RIMS1: variants seen among roughly 807,000 people sequenced by gnomAD.
RIMS1 encodes the protein regulating synaptic membrane exocytosis 1, also known as regulating synaptic membrane exocytosis protein 1.
RIMS1 carries 83 observed loss-of-function variants against 214.1 expected under a neutral mutation model. The observed-to-expected ratio is 0.39, with a 90% confidence interval of 0.32 to 0.47. The LOEUF (loss-of-function observed/expected upper bound fraction) is 0.47, where lower values mean the gene tolerates loss of function less well. RIMS1 is among the 20% of genes least tolerant of loss of function. The pLI, the probability that RIMS1 is intolerant of heterozygous loss-of-function variation, is 0.99. For synonymous variants in RIMS1, 793 were observed against 786.8 expected, an observed-to-expected ratio of 1.01 and a Z score of -0.13; for missense variants, 2,050 against 2,161.8, an observed-to-expected ratio of 0.95 and a Z score of 1.03.
intron 1 of RIMS1, among the ~76,000 whole-genome samples, chr6:71,933,697 C>CACACAT (rs1783741930): frequency 6.6e-6 from 1 of 151,314 alleles, no homozygotes; most frequent in South Asian, 2.1e-4. Flanking sequence ...CACACACACA[C>CACACAT]ACACACACAC....
intron 4 of RIMS1, among the ~76,000 whole-genome samples, chr6:72,116,941 G>A (rs952693495): frequency 2.0e-5 from 3 of 151,886 alleles, no homozygotes; most frequent in African/African-American, 4.8e-5. Flanking sequence ...TCATAAATTC[G>A]TGTGTTTTTA....
At chr6:72,266,252 T>C in intron 22 of RIMS1, 7 of 586,100 alleles carry the variant, frequency 1.2e-5, no homozygotes, top group Non-Finnish European at 1.8e-5. Context: ...ATACACATAT[T>C]TCTATGAATG....
At chr6:72,089,692 T>C (rs571496573) in intron 2 of RIMS1, among the ~76,000 whole-genome samples, 6 of 151,370 alleles carry the variant, frequency 4.0e-5, no homozygotes, top group Non-Finnish European at 8.8e-5. Flanking sequence ...TGACTATAAA[T>C]CATGCTGCTA....
At chr6:72,316,985 T>G in intron 28 of RIMS1, 2 of 486,524 alleles carry the variant, frequency 4.1e-6, no homozygotes, top group Non-Finnish European at 8.1e-6. Flanking sequence ...GAGGGCCCAG[T>G]GGCTCCCTGC....
At chr6:72,222,870 T>A (rs1423995146) in intron 6 of RIMS1, among the ~76,000 whole-genome samples, 1 of 152,188 alleles carries the variant, frequency 6.6e-6, no homozygotes. Flanking sequence ...ATATAACTGT[T>A]CATGCACTCC....
chr6:72,073,892 T>G (rs980196646), intron 2 of RIMS1, among the ~76,000 whole-genome samples: 1 of 152,248 alleles, frequency 6.6e-6, no homozygotes, highest in African/African-American at 2.4e-5. Context: ...TATTCCATTT[T>G]TTAAAGTATT....
At chr6:71,900,621 C>T (rs946038588) in intron 1 of RIMS1, among the ~76,000 whole-genome samples, 1 of 152,008 alleles carries the variant, frequency 6.6e-6, no homozygotes, top group African/African-American at 2.4e-5. Context: ...GCAAAAACCA[C>T]AACTGTTATT....
At chr6:72,334,181 A>C (rs1020258003) in intron 29 of RIMS1, among the ~76,000 whole-genome samples, 5 of 151,936 alleles carry the variant, frequency 3.3e-5, no homozygotes, top group Admixed American at 2.0e-4. Flanking sequence ...ATGTTCCATA[A>C]TTCAATTACT....
At chr6:71,887,563 G>A (rs1291108651) in intron 1 of RIMS1, among the ~76,000 whole-genome samples, 1 of 152,162 alleles carries the variant, frequency 6.6e-6, no homozygotes, top group Non-Finnish European at 1.5e-5. Flanking sequence ...GGGATGAGTA[G>A]AAACAAGGGG....
chr6:72,178,292 C>G (rs2047981472), intron 4 of RIMS1, among the ~76,000 whole-genome samples: 2 of 151,810 alleles, frequency 1.3e-5, no homozygotes, highest in Non-Finnish European at 2.9e-5. Flanking sequence ...TACTTTTTTC[C>G]TGTCTTTTTC....
Sources: allele counts gnomAD v4.1 joint callset (sites outside exome capture counted in the v4.1 genomes callset), GRCh38; gene constraint gnomAD v4.1.1; transcripts MANE v1.5; gene names NCBI Gene and HGNC (gene_info 2026-07-23, HGNC 2026-07-21).